RAPH1: variants seen among roughly 807,000 people sequenced by gnomAD.
RAPH1 encodes the protein ras-associated and pleckstrin homology domains-containing protein 1.
In RAPH1, 18 loss-of-function variants were observed where a neutral mutation model predicts 88.1. That is an observed-to-expected ratio of 0.20 (90% CI 0.14 to 0.30). RAPH1 has a LOEUF of 0.30. Ranked by LOEUF, RAPH1 falls within the 10% of genes least tolerant of loss-of-function variation. The pLI is 1.00. For missense variants in RAPH1, 1,448 were observed against 1,543.2 expected (o/e 0.94, Z 1.03); for synonymous variants, 587 against 559.0 (o/e 1.05, Z -0.71).
chr2:203,508,240 AAAGG>A (rs1689180471), intron 1 of RAPH1, among the ~76,000 whole-genome samples: 1 of 149,466 alleles, frequency 6.7e-6, no homozygotes, highest in Non-Finnish European at 1.5e-5. Context: ...AAAAAAAAAA[AAAGG>A]AAGAAAGAAA....
intron 1 of RAPH1, among the ~76,000 whole-genome samples, chr2:203,524,345 C>G (rs1197904129): frequency 6.6e-6 from 1 of 152,130 alleles, no homozygotes; most frequent in East Asian, 1.9e-4. Flanking sequence ...AATGATACAA[C>G]TTTGGAAAAA....
At chr2:203,518,457 G>C (rs1269355404) in intron 1 of RAPH1, among the ~76,000 whole-genome samples, 3 of 151,798 alleles carry the variant, frequency 2.0e-5, no homozygotes, top group African/African-American at 7.3e-5. Context: ...GGTGGAGGTT[G>C]TAGTGAGCCG....
Position 203,495,274 on chromosome 2 carries a change from AT to A in RAPH1, c.79del (p.Met27CysfsTer9). 6.2e-7 allele frequency: 1 copy of A among 1,614,102 alleles called. No homozygotes were observed. The highest frequency in any genetic ancestry group is 8.5e-7 in the Non-Finnish European group (1 of 1,180,006). On this transcript the variant is annotated frameshift_variant, in exon 2 of 14. Coordinates refer to ENST00000319170, the MANE Select transcript of RAPH1 (RefSeq NM_213589.3). LOFTEE classifies it high-confidence loss of function. ...SDKEDQDLDK[M>X]FGAWLGELDK... ...TAGTTCTCCAAGCCAGGCTCCAAAC[AT>A]TTTGTCCAGGTCCTGATCTTCCTTG...
At chr2:203,517,265 G>A (rs1287817890) in intron 1 of RAPH1, among the ~76,000 whole-genome samples, 1 of 149,894 alleles carries the variant, frequency 6.7e-6, no homozygotes, top group Non-Finnish European at 1.5e-5. Flanking sequence ...GGATAAAGAA[G>A]GGTATTACAT....
intron 1 of RAPH1, among the ~76,000 whole-genome samples, chr2:203,515,949 GA>G: frequency 6.6e-6 from 1 of 152,272 alleles, no homozygotes; most frequent in East Asian, 1.9e-4. Context: ...CATCAAAGAA[GA>G]AATCAGTGAA....
intron 4 of RAPH1, among the ~76,000 whole-genome samples, chr2:203,466,935 T>C (rs1218175154): frequency 6.6e-6 from 1 of 152,336 alleles, no homozygotes; most frequent in Middle Eastern, 3.4e-3. Flanking sequence ...TGTTGCTAAG[T>C]TGTTCCTTCA....
At chr2:203,454,607 A>T in intron 9 of RAPH1, 67 bp from the exon 10 acceptor site, 1 of 1,170,228 alleles carries the variant, frequency 8.5e-7, no homozygotes, top group South Asian at 1.4e-5. Flanking sequence ...TACCTGGTTA[A>T]CATTTTCTAG....
At chr2:203,531,027 A>G (rs913545092) in intron 1 of RAPH1, among the ~76,000 whole-genome samples, 1 of 152,186 alleles carries the variant, frequency 6.6e-6, no homozygotes, top group East Asian at 1.9e-4. Context: ...GGAAAACTGG[A>G]TATGCAAAAG....
intron 4 of RAPH1, 119 bp downstream of exon 4, chr2:203,489,465 A>T: frequency 1.4e-6 from 1 of 725,290 alleles, no homozygotes; most frequent in Non-Finnish European, 2.0e-6. Flanking sequence ...CCTATCTCAG[A>T]AGTATCTTTG....
In RAPH1 at chr2:203,460,095, T is replaced by C. The variant is rs1207132983; in HGVS notation, c.971-67A>G. The C allele has an allele frequency of 2.1e-5, 29 of 1,404,880 alleles. No homozygotes were observed. The East Asian group carries it at 6.4e-4, about 31-fold the overall frequency. The allele number at this position is 1,404,880 out of a possible 1,614,324, so 87.0% of individuals were successfully genotyped here. Reference sequence around the variant, plus strand: ...AGAGTTGCATGAAAGACATGAAACTTTGTGAAGTAGTTAACCTCAGAACCA... The same window carrying C: ...AGAGTTGCATGAAAGACATGAAACTCTGTGAAGTAGTTAACCTCAGAACCA... On this transcript the variant is annotated intron_variant, in intron 6 of 13. Transcript: ENST00000319170.
At chr2:203,534,411 G>A (rs1172545255) in intron 1 of RAPH1, among the ~76,000 whole-genome samples, 1 of 151,706 alleles carries the variant, frequency 6.6e-6, no homozygotes, top group African/African-American at 2.4e-5. Context: ...CACACAGTGG[G>A]GACACCCTAA....
At position 203,438,872 on chromosome 2, in the gene RAPH1, A is replaced by G. The variant is rs188365463; in HGVS notation, c.*565T>C. On this transcript the variant is annotated 3_prime_UTR_variant, in exon 14 of 14. Coordinates refer to ENST00000319170, the MANE Select transcript of RAPH1 (RefSeq NM_213589.3). ...TTAAAGTGCCCCTTCATGTATAGCAATGAAGTGTCAGTCAAGCAATTCTAA... is the reference window on the plus strand; with the variant it reads ...TTAAAGTGCCCCTTCATGTATAGCAGTGAAGTGTCAGTCAAGCAATTCTAA... The G allele has an allele frequency of 3.3e-4, 51 of 154,910 alleles. 1 individual carries two copies. Among genetic ancestry groups the G allele is most frequent in the Middle Eastern group, 3.4e-3 (1 of 294 alleles). 9.6% of individuals were successfully genotyped at this position (154,910 alleles called of 1,614,324 possible).
chr2:203,505,920 AT>A (rs1688971121), intron 1 of RAPH1, among the ~76,000 whole-genome samples: 1 of 152,170 alleles, frequency 6.6e-6, no homozygotes, highest in Non-Finnish European at 1.5e-5. Flanking sequence ...CTATTTAGTT[AT>A]TTTTGCAGAC....
intron 4 of RAPH1, among the ~76,000 whole-genome samples, chr2:203,488,400 C>A (rs916139638): frequency 6.6e-5 from 10 of 151,406 alleles, no homozygotes; most frequent in Admixed American, 6.6e-4. Flanking sequence ...ACCAGCCTGG[C>A]CAGCATGGTG....
Position 203,438,037 on chromosome 2 carries a change from G to A in RAPH1, c.*1400C>T. 2.3e-6 allele frequency: 1 copy of A among 435,410 alleles called. No homozygotes were observed. Among genetic ancestry groups the A allele is most frequent in the Non-Finnish European group, 4.6e-6 (1 of 217,980 alleles). The allele number at this position is 435,410 out of a possible 1,614,324, so 27.0% of individuals were successfully genotyped here. ...ACAGAAAAAAGCATATAGAAGTATA[G>A]TGTGTCGTTAGAGCACTGACTCCAC... On this transcript the variant is annotated 3_prime_UTR_variant, in exon 14 of 14. Transcript: ENST00000319170.
At chr2:203,445,109 C>T in intron 12 of RAPH1, 99 bp from the exon 13 acceptor site, 1 of 1,011,336 alleles carries the variant, frequency 9.9e-7, no homozygotes, top group Non-Finnish European at 1.4e-6. Context: ...AGGTCAAGTG[C>T]TGTGTACAAC....
chr2:203,442,213 C>T (rs1051684947), intron 13 of RAPH1: 3 of 933,296 alleles, frequency 3.2e-6, no homozygotes, highest in Non-Finnish European at 4.6e-6. Context: ...CAAGAAATGG[C>T]AGCTAGCATT....
chr2:203,476,825 G>T (rs759699708), intron 4 of RAPH1, among the ~76,000 whole-genome samples: 1 of 152,244 alleles, frequency 6.6e-6, no homozygotes, highest in Non-Finnish European at 1.5e-5. Context: ...AATAAAGAAG[G>T]CATGTTGTTT....
Position 203,496,961 on chromosome 2 carries a change from G to C in RAPH1, c.1-1608C>G, listed in dbSNP as rs569815112. ...GGTGTATGGGCATTCCATTAAAAAA[G>C]ATATGCCTAATCTTTACTAACTTGA... is the stretch of plus-strand genomic sequence containing the variant. On this transcript the variant is annotated intron_variant, in intron 1 of 13. Coordinates refer to ENST00000319170, the MANE Select transcript of RAPH1 (RefSeq NM_213589.3). 4.2e-3 allele frequency among the ~76,000 whole-genome samples: 635 copies of C among 152,234 alleles called. 5 individuals are homozygous for C. The highest frequency in any genetic ancestry group is 0.014 in the African/African-American group (593 of 41,538).
Sources: gnomAD v4.1 joint callset for allele counts (sites outside exome capture counted in the v4.1 genomes callset) on GRCh38, gnomAD v4.1.1 for gene constraint, MANE v1.5 for transcripts, NCBI Gene and HGNC (gene_info 2026-07-23, HGNC 2026-07-21) for gene names.